Variants in TANC2 observed in about 807,000 individuals in gnomAD.
TANC2 encodes the protein tetratricopeptide repeat, ankyrin repeat and coiled-coil containing 2.
TANC2 carries 26 observed loss-of-function variants against 210.5 expected under a neutral mutation model. The ratio of observed to expected loss-of-function variants is 0.12; its 90% CI spans 0.09 to 0.17. The LOEUF is 0.17. Among genes scored for constraint, TANC2 ranks in the 10% least tolerant of loss-of-function variants. The pLI is 1.00. For missense variants in TANC2, 2,129 were observed against 2,608.9 expected, an observed-to-expected ratio of 0.82 and a Z score of 4.01; for synonymous variants, 931 against 967.1, an observed-to-expected ratio of 0.96 and a Z score of 0.69.
chr17:63,141,789 C>A (rs2039301132), intron 4 of TANC2, among the ~76,000 whole-genome samples: 1 of 151,946 alleles, frequency 6.6e-6, no homozygotes, highest in Admixed American at 6.6e-5. Context: ...CATTTAAATA[C>A]TCATTTTAAA....
At chr17:63,005,971 T>C (rs2033611754) in intron 1 of TANC2, among the ~76,000 whole-genome samples, 6 of 150,598 alleles carry the variant, frequency 4.0e-5, no homozygotes, top group Admixed American at 4.0e-4. Context: ...ATTTCTTTAA[T>C]AGAGATAGGG....
chr17:63,187,363 A>G (rs1286106836), intron 5 of TANC2, among the ~76,000 whole-genome samples: 1 of 152,200 alleles, frequency 6.6e-6, no homozygotes, highest in African/African-American at 2.4e-5. Context: ...GGGCAGTTTG[A>G]TGATTAAATT....
At chr17:63,077,330 T>G (rs1311596237) in intron 3 of TANC2, among the ~76,000 whole-genome samples, 1 of 152,220 alleles carries the variant, frequency 6.6e-6, no homozygotes, top group Admixed American at 6.5e-5. Flanking sequence ...AATCTGCCTG[T>G]CTTATACACT....
At chr17:63,009,230 T>C (rs1186586869) in intron 1 of TANC2, among the ~76,000 whole-genome samples, 1 of 152,028 alleles carries the variant, frequency 6.6e-6, no homozygotes, top group Non-Finnish European at 1.5e-5. Context: ...AAATTCTTAG[T>C]ATTTTGAATA....
intron 2 of TANC2, among the ~76,000 whole-genome samples, chr17:63,043,026 A>G (rs2035248678): frequency 6.6e-6 from 1 of 152,122 alleles, no homozygotes. Context: ...TTTGTATTTT[A>G]GAAAAGACTT....
At chr17:63,304,217 G>T (rs941632332) in intron 9 of TANC2, among the ~76,000 whole-genome samples, 4 of 152,068 alleles carry the variant, frequency 2.6e-5, no homozygotes, top group Non-Finnish European at 2.9e-5. Flanking sequence ...TCCTCTTCAT[G>T]AGTCTGTCTA....
chr17:63,397,206 T>G (rs997911502), intron 18 of TANC2, among the ~76,000 whole-genome samples: 1 of 151,462 alleles, frequency 6.6e-6, no homozygotes, highest in Non-Finnish European at 1.5e-5. Context: ...ACCCGGGAGG[T>G]GGAGGTTGCA....
intron 1 of TANC2, among the ~76,000 whole-genome samples, chr17:62,969,828 CAT>C (rs926029088): frequency 2.7e-4 from 41 of 152,232 alleles, no homozygotes; most frequent in African/African-American, 9.4e-4. Flanking sequence ...TCTTCCTACT[CAT>C]ATTTTTATGA....
intron 9 of TANC2, among the ~76,000 whole-genome samples, chr17:63,275,141 T>C (rs906809175): frequency 2.0e-5 from 3 of 152,152 alleles, no homozygotes; most frequent in African/African-American, 7.2e-5. Flanking sequence ...ATTATTAATA[T>C]TGAGACCCTA....
chr17:63,291,616 G>T (rs1193542838), intron 9 of TANC2, among the ~76,000 whole-genome samples: 1 of 152,160 alleles, frequency 6.6e-6, no homozygotes, highest in African/African-American at 2.4e-5. Flanking sequence ...AAAGAAATGT[G>T]AGAGATGCAA....
intron 9 of TANC2, among the ~76,000 whole-genome samples, chr17:63,275,527 G>A: frequency 6.6e-6 from 1 of 152,130 alleles, no homozygotes; most frequent in East Asian, 1.9e-4. Context: ...ATGTCATGAA[G>A]CTAAATGCTC....
intron 2 of TANC2, among the ~76,000 whole-genome samples, chr17:63,010,669 C>G (rs941176194): frequency 6.6e-6 from 1 of 152,182 alleles, no homozygotes; most frequent in Non-Finnish European, 1.5e-5. Flanking sequence ...CTCTGTCCGA[C>G]TTGGCTACAA....
intron 8 of TANC2, among the ~76,000 whole-genome samples, chr17:63,255,099 ATTTATT>A (rs1598716129): frequency 7.4e-6 from 1 of 135,006 alleles, no homozygotes; most frequent in Non-Finnish European, 1.6e-5. Context: ...TTATTTATTT[ATTTATT>A]TTTATTTATT....
intron 4 of TANC2, among the ~76,000 whole-genome samples, chr17:63,109,290 A>C (rs973902720): frequency 3.3e-5 from 5 of 151,758 alleles, no homozygotes; most frequent in African/African-American, 1.2e-4. Flanking sequence ...AAGATAATAG[A>C]GCAATCTTTG....
At chr17:63,108,908 G>T (rs1231734317) in intron 4 of TANC2, among the ~76,000 whole-genome samples, 1 of 151,288 alleles carries the variant, frequency 6.6e-6, no homozygotes, top group Non-Finnish European at 1.5e-5. Context: ...ATTTTTCATT[G>T]AAAATCAAAA....
intron 2 of TANC2, among the ~76,000 whole-genome samples, chr17:63,012,720 TAG>T (rs1485850619): frequency 2.5e-4 from 38 of 152,170 alleles, no homozygotes; most frequent in African/African-American, 8.7e-4. Flanking sequence ...GGCACTATAA[TAG>T]CTCACTATAA....
rs2035812496 is a variant in TANC2 at position 63,056,511 on chromosome 17, C to T, written c.68-17432C>T. Among the ~76,000 whole-genome samples, 5 of 152,144 alleles carry T rather than the reference C, an allele frequency of 3.3e-5. No homozygotes were observed. The South Asian group carries it at 1.0e-3, about 32-fold the overall frequency. On this transcript the variant is annotated intron_variant, in intron 2 of 27. Coordinates refer to ENST00000689528, the Ensembl canonical transcript of TANC2. ...CTGGAAATGTAGCAAGATCCGTTCT[C>T]TACCAAAAAAATTTTTAATTAGCTA...
At chr17:62,995,088 A>G (rs2033045791) in intron 1 of TANC2, among the ~76,000 whole-genome samples, 1 of 152,366 alleles carries the variant, frequency 6.6e-6, no homozygotes, top group East Asian at 1.9e-4. Flanking sequence ...TCACTTTTAG[A>G]TAAATCCATC....
intron 4 of TANC2, among the ~76,000 whole-genome samples, chr17:63,118,639 A>T (rs1303489216): frequency 6.6e-6 from 1 of 152,132 alleles, no homozygotes; most frequent in Admixed American, 6.5e-5. Flanking sequence ...TGATTGATTG[A>T]GACAGGGTTG....
Sources: allele counts gnomAD v4.1 joint callset (sites outside exome capture counted in the v4.1 genomes callset), GRCh38; gene constraint gnomAD v4.1.1; transcripts MANE v1.5; gene names NCBI Gene and HGNC (gene_info 2026-07-23, HGNC 2026-07-21).